The following CCBE1 variants were observed in gnomAD, a reference collection of about 807,000 sequenced individuals.
CCBE1 encodes collagen and calcium-binding EGF domain-containing protein 1.
A neutral mutation model predicts 50.0 loss-of-function variants in CCBE1; 37 were observed. The ratio of observed to expected loss-of-function variants is 0.74; its 90% CI spans 0.57 to 0.97. The LOEUF (loss-of-function observed/expected upper bound fraction) is 0.97. Ranked by LOEUF, CCBE1 falls within the 50% of genes least tolerant of loss-of-function variation. CCBE1 has a pLI of 0.00. For synonymous variants in CCBE1, 234 were observed against 203.7 expected (o/e 1.15, Z -1.27); for missense variants, 538 against 523.8 (o/e 1.03, Z -0.26).
chr18:59,658,726 A>G (rs1226634729), intron 2 of CCBE1, among the ~76,000 whole-genome samples: 2 of 151,486 alleles, frequency 1.3e-5, no homozygotes, highest in East Asian at 3.9e-4. Context: ...CTGAAAATAC[A>G]AAAATTAGCT....
intron 2 of CCBE1, among the ~76,000 whole-genome samples, chr18:59,575,840 G>A (rs556949552): frequency 5.9e-5 from 9 of 152,178 alleles, no homozygotes; most frequent in South Asian, 2.1e-4. Context: ...CTCCCACCTC[G>A]CCAATTTTGC....
intron 2 of CCBE1, among the ~76,000 whole-genome samples, chr18:59,515,192 C>T (rs1194883812): frequency 6.6e-6 from 1 of 152,210 alleles, no homozygotes; most frequent in Non-Finnish European, 1.5e-5. Context: ...GCAACCTACA[C>T]GTTCTTTGCG....
At chr18:59,614,791 G>A (rs1323712696) in intron 2 of CCBE1, among the ~76,000 whole-genome samples, 3 of 152,250 alleles carry the variant, frequency 2.0e-5, no homozygotes, top group African/African-American at 7.2e-5. Context: ...CCTGACTTCT[G>A]TTAATATGCT....
chr18:59,646,201 A>G (rs2054053382), intron 2 of CCBE1, among the ~76,000 whole-genome samples: 1 of 152,202 alleles, frequency 6.6e-6, no homozygotes, highest in Non-Finnish European at 1.5e-5. Flanking sequence ...GGTGTTTGTC[A>G]GGCATAGGAA....
At chr18:59,696,446 G>A in intron 2 of CCBE1, 183 bp downstream of exon 2, 1 of 1,455,714 alleles carries the variant, frequency 6.9e-7, no homozygotes, top group Non-Finnish European at 9.1e-7. Context: ...GTTGCTCAGT[G>A]TTGCTCTGAC....
At chr18:59,605,789 T>C (rs1479997823) in intron 2 of CCBE1, among the ~76,000 whole-genome samples, 1 of 152,014 alleles carries the variant, frequency 6.6e-6, no homozygotes, top group African/African-American at 2.4e-5. Flanking sequence ...AGTACTTGAG[T>C]TGTTGCCAGA....
chr18:59,465,741 T>A (rs1057090463), intron 5 of CCBE1: 1 of 152,254 alleles, frequency 6.6e-6, no homozygotes, highest in Admixed American at 6.5e-5. Context: ...TTGAGTAGCA[T>A]GGATACAGAT....
chr18:59,587,783 C>G (rs1389584022), intron 2 of CCBE1, among the ~76,000 whole-genome samples: 1 of 152,058 alleles, frequency 6.6e-6, no homozygotes, highest in Non-Finnish European at 1.5e-5. Context: ...AAACAGAACC[C>G]AAAAGAATCT....
intron 2 of CCBE1, among the ~76,000 whole-genome samples, chr18:59,615,492 A>G (rs1321928006): frequency 7.9e-6 from 1 of 126,806 alleles, no homozygotes; most frequent in Non-Finnish European, 1.6e-5. Flanking sequence ...GTCCTGACCA[A>G]CTGTCGGAGA....
intron 2 of CCBE1, among the ~76,000 whole-genome samples, chr18:59,674,861 G>T (rs1236906264): frequency 6.6e-6 from 1 of 152,124 alleles, no homozygotes. Context: ...ATTTACAATA[G>T]AAGTTATTTT....
chr18:59,590,820 GAT>G (rs2053253817), intron 2 of CCBE1, among the ~76,000 whole-genome samples: 1 of 152,166 alleles, frequency 6.6e-6, no homozygotes, highest in Non-Finnish European at 1.5e-5. Context: ...TTAGTAAAAA[GAT>G]AAAATTAGAT....
intron 3 of CCBE1, among the ~76,000 whole-genome samples, chr18:59,478,028 C>T (rs1040308188): frequency 6.6e-6 from 1 of 152,118 alleles, no homozygotes; most frequent in African/African-American, 2.4e-5. Flanking sequence ...GATGACCCTC[C>T]ATAATGCGGG....
chr18:59,672,659 C>T (rs2054448842), intron 2 of CCBE1, among the ~76,000 whole-genome samples: 5 of 152,212 alleles, frequency 3.3e-5, no homozygotes, highest in Admixed American at 2.0e-4. Flanking sequence ...CCAAGCCAAA[C>T]CTTCTCTAAT....
rs775325478 is a variant in CCBE1, at chr18:59,435,954, C to A, written c.1175G>T (p.Arg392Ile). ...DLGSGDDHPR[R>I]TETRDLRAPR... ...GGCTCTCAAGTCTCTTGTCTCAGTT[C>A]TTCTTGGATGGTCATCTCCAGAGCC... The change falls in exon 11 of 11, where the codon AGA (arginine) becomes ATA (isoleucine). Residue 392 changes from arginine to isoleucine, a missense_variant. Coordinates refer to ENST00000439986, the MANE Select transcript of CCBE1 (RefSeq NM_133459.4). The A allele has an allele frequency of 2.5e-6, 4 of 1,613,932 alleles. No individual in the cohort carries two copies. The highest frequency in any genetic ancestry group is 1.7e-5 in the Admixed American group (1 of 59,992).
At chr18:59,519,592 T>C (rs1422249124) in intron 2 of CCBE1, among the ~76,000 whole-genome samples, 2 of 152,246 alleles carry the variant, frequency 1.3e-5, no homozygotes, top group African/African-American at 4.8e-5. Context: ...GATGAATAGA[T>C]TGCAGAAATT....
intron 3 of CCBE1, among the ~76,000 whole-genome samples, chr18:59,477,004 A>G (rs1396611263): frequency 6.6e-6 from 1 of 152,242 alleles, no homozygotes; most frequent in African/African-American, 2.4e-5. Flanking sequence ...ATATTGGCCT[A>G]GAGGGCCTAG....
intron 2 of CCBE1, among the ~76,000 whole-genome samples, chr18:59,500,524 G>A (rs1045395560): frequency 2.0e-5 from 3 of 152,106 alleles, no homozygotes; most frequent in African/African-American, 7.2e-5. Flanking sequence ...GAAGCCAGGG[G>A]TAACAGCTGG....
chr18:59,692,994 A>AC (rs1259375112), intron 2 of CCBE1, among the ~76,000 whole-genome samples: 1 of 151,284 alleles, frequency 6.6e-6, no homozygotes, highest in Non-Finnish European at 1.5e-5. Flanking sequence ...ACACACACAC[A>AC]CACACACACA....
At chr18:59,546,686 C>T (rs998798671) in intron 2 of CCBE1, among the ~76,000 whole-genome samples, 1 of 152,138 alleles carries the variant, frequency 6.6e-6, no homozygotes, top group Admixed American at 6.5e-5. Context: ...AAATCCCTTC[C>T]CACATTATAT....
Sources: allele counts gnomAD v4.1 joint callset (sites outside exome capture counted in the v4.1 genomes callset), GRCh38; gene constraint gnomAD v4.1.1; transcripts MANE v1.5; gene names NCBI Gene and HGNC (gene_info 2026-07-23, HGNC 2026-07-21).